CFAP54: variants seen among roughly 807,000 people sequenced by gnomAD.
CFAP54 encodes cilia and flagella associated protein 54, also known as cilia- and flagella-associated protein 54.
Under a neutral mutation model 370.4 loss-of-function variants are expected in CFAP54, and 290 were observed. The observed-to-expected ratio is 0.78, with a 90% CI of 0.71 to 0.86. CFAP54 has a LOEUF of 0.86. CFAP54 is among the 40% of genes least tolerant of loss of function. CFAP54 has a pLI of 0.00. For missense variants in CFAP54, 3,399 were observed against 3,528.7 expected (o/e 0.96, Z 0.93); for synonymous variants, 1,206 against 1,236.5 (o/e 0.98, Z 0.52).
intron 39 of CFAP54, among the ~76,000 whole-genome samples, chr12:96,676,822 C>T (rs1178883147): frequency 6.6e-6 from 1 of 152,082 alleles, no homozygotes; most frequent in African/African-American, 2.4e-5. Context: ...CCACCACACC[C>T]AGCTTGGTGT....
At chr12:96,519,980 T>A (rs1955285004) in intron 6 of CFAP54, among the ~76,000 whole-genome samples, 1 of 152,192 alleles carries the variant, frequency 6.6e-6, no homozygotes, top group African/African-American at 2.4e-5. Flanking sequence ...ACTCTTGTCT[T>A]GCTTTTCTCT....
chr12:96,634,759 T>G (rs1956646656), intron 32 of CFAP54, among the ~76,000 whole-genome samples: 1 of 152,220 alleles, frequency 6.6e-6, no homozygotes, highest in South Asian at 2.1e-4. Context: ...ATTTTTTGCA[T>G]AAGATGTGAG....
intron 50 of CFAP54, among the ~76,000 whole-genome samples, chr12:96,729,520 T>C (rs2136624596): frequency 6.6e-6 from 1 of 152,350 alleles, no homozygotes; most frequent in African/African-American, 2.4e-5. Context: ...CCTGGTGCGC[T>C]GTTTCCTAAG....
At chr12:96,789,989 CA>C (rs1958671377) in intron 62 of CFAP54, among the ~76,000 whole-genome samples, 1 of 148,722 alleles carries the variant, frequency 6.7e-6, no homozygotes, top group African/African-American at 2.5e-5. Flanking sequence ...AAACTCGTTC[CA>C]TAATTTGATA....
Position 96,609,253 on chromosome 12 carries a change from A to G in CFAP54, c.3639+10486A>G, listed in dbSNP as rs563608970. ...TGGCATTTGGTCACTTTCTGGTCTTAGGACAGTGTCATTGTCAAGTATTAA... is the reference window on the plus strand; with the variant it reads ...TGGCATTTGGTCACTTTCTGGTCTTGGGACAGTGTCATTGTCAAGTATTAA... On this transcript the variant is annotated intron_variant, in intron 26 of 67. Coordinates refer to ENST00000524981, the MANE Select transcript of CFAP54 (RefSeq NM_001306084.2). 2.0e-5 allele frequency among the ~76,000 whole-genome samples: 3 copies of G among 152,352 alleles called. No homozygotes were observed. In the East Asian group the frequency reaches 5.8e-4, roughly 29 times the overall value.
chr12:96,684,829 T>G lies in CFAP54; in HGVS notation c.5804+94T>G, dbSNP rs1957308035. On this transcript the variant is annotated intron_variant, in intron 41 of 67. Transcript: ENST00000524981. ...TGAAAAAACATTGTCTTTCATAAAT[T>G]TTAGTTCTTCAACAATACTACATTG... 8.5e-6 allele frequency: 10 copies of G among 1,173,446 alleles called. No individual in the cohort carries two copies. The East Asian group carries it at 2.4e-4, about 28-fold the overall frequency. The allele number at this position is 1,173,446 out of a possible 1,614,324, so 72.7% of individuals were successfully genotyped here. A position where few individuals can be genotyped will look rare whatever the true frequency, so the allele number is the denominator to read the frequency against.
At chr12:96,825,419 C>CATGTTATATTATATATAATAT (rs1269721276) in intron 65 of CFAP54, among the ~76,000 whole-genome samples, 3 of 98,394 alleles carry the variant, frequency 3.0e-5, no homozygotes, top group Admixed American at 2.7e-4. Flanking sequence ...TAATATGTAA[C>CATGTTATATTATATATAATAT]ATGTTATATT....
At chr12:96,612,106 TTGAAA>T (rs1305991048) in intron 26 of CFAP54, among the ~76,000 whole-genome samples, 1 of 152,028 alleles carries the variant, frequency 6.6e-6, no homozygotes, top group Non-Finnish European at 1.5e-5. Flanking sequence ...TTCACCAAAG[TTGAAA>T]TGAAGGAAAA....
At chr12:96,697,361 T>C (rs1592713561) in intron 45 of CFAP54, among the ~76,000 whole-genome samples, 1 of 152,220 alleles carries the variant, frequency 6.6e-6, no homozygotes, top group East Asian at 1.9e-4. Flanking sequence ...AAAATGGTCA[T>C]CTAGAAACCT....
chr12:96,658,761 A>G (rs1281568053), intron 38 of CFAP54, among the ~76,000 whole-genome samples: 1 of 151,960 alleles, frequency 6.6e-6, no homozygotes, highest in Non-Finnish European at 1.5e-5. Context: ...GTACATCTCT[A>G]TGATGATGAC....
At chr12:96,594,223 T>A in intron 24 of CFAP54, 68 bp from the exon 25 acceptor site, 1 of 1,101,926 alleles carries the variant, frequency 9.1e-7, no homozygotes, top group Non-Finnish European at 1.2e-6. Context: ...TTTCTACCCA[T>A]TCTCCGTAGA....
intron 23 of CFAP54, among the ~76,000 whole-genome samples, chr12:96,591,617 C>T (rs1296597138): frequency 4.0e-5 from 6 of 151,828 alleles, no homozygotes; most frequent in African/African-American, 1.5e-4. Flanking sequence ...TGGCCGGGCG[C>T]GGTGGCTCAC....
intron 67 of CFAP54, among the ~76,000 whole-genome samples, chr12:96,873,319 A>G (rs529573444): frequency 6.6e-6 from 1 of 152,344 alleles, no homozygotes; most frequent in East Asian, 1.9e-4. Context: ...TTACAACTGT[A>G]TTAGTTAAGA....
chr12:96,580,107 C>T (rs1006784109), intron 20 of CFAP54, among the ~76,000 whole-genome samples: 2 of 151,244 alleles, frequency 1.3e-5, no homozygotes, highest in African/African-American at 4.9e-5. Flanking sequence ...CTTCTCTTTC[C>T]ACTTGCTTTT....
At chr12:96,866,365 C>T (rs78717880) in intron 67 of CFAP54, among the ~76,000 whole-genome samples, 2,628 of 152,102 alleles carry the variant, frequency 0.017, 77 homozygotes, top group African/African-American at 0.059. Context: ...TTTTTTACAA[C>T]GAGTAATAAT....
chr12:96,852,922 A>G (rs528959437), intron 66 of CFAP54, among the ~76,000 whole-genome samples: 1 of 152,266 alleles, frequency 6.6e-6, no homozygotes, highest in South Asian at 2.1e-4. Context: ...TATATGACAC[A>G]TGCAAAACAT....
intron 42 of CFAP54, 141 bp downstream of exon 42, chr12:96,685,379 TA>T: frequency 1.5e-6 from 1 of 656,790 alleles, no homozygotes; most frequent in Admixed American, 2.8e-5. Flanking sequence ...CCTTACAGTT[TA>T]TTTACTTATT....
In CFAP54 at chr12:96,720,431, C is replaced by T; in HGVS notation, c.6831C>T (p.Asp2277=). The T allele has an allele frequency of 6.4e-7, 1 of 1,554,968 alleles. No homozygotes were observed. The part of the protein sequence containing the change: ...LKSMLLMEAE[D]RLNFLLSEVE... ...CGATGTTACTGATGGAAGCTGAGGACAGGCTAAACTTCCTTCTGTCCGAGG... is the reference window on the plus strand; with the variant it reads ...CGATGTTACTGATGGAAGCTGAGGATAGGCTAAACTTCCTTCTGTCCGAGG... Residue 2277 remains aspartate (D), a synonymous_variant, in exon 50 of 68, where the codon GAC becomes GAT. Coordinates refer to ENST00000524981, the MANE Select transcript of CFAP54 (RefSeq NM_001306084.2).
At chr12:96,625,656 C>A (rs1956542276) in intron 28 of CFAP54, 62 bp from the exon 29 acceptor site, 3 of 1,022,362 alleles carry the variant, frequency 2.9e-6, no homozygotes, top group African/African-American at 1.6e-5. Flanking sequence ...GTGAATTACT[C>A]AAAAAATTTG....
Sources: gnomAD v4.1 joint callset for allele counts (sites outside exome capture counted in the v4.1 genomes callset) on GRCh38, gnomAD v4.1.1 for gene constraint, MANE v1.5 for transcripts, NCBI Gene and HGNC (gene_info 2026-07-23, HGNC 2026-07-21) for gene names.